CAMKMT: variants seen among roughly 807,000 people sequenced by gnomAD.
The protein encoded by CAMKMT is calmodulin-lysine N-methyltransferase.
Under a neutral mutation model 48.0 loss-of-function variants are expected in CAMKMT, and 53 were observed. That is an observed-to-expected ratio of 1.10 (90% confidence interval 0.89 to 1.39). The LOEUF (loss-of-function observed/expected upper bound fraction) is 1.39, where lower values mean the gene tolerates loss of function less well. CAMKMT is among the 40% of genes most tolerant of loss of function. CAMKMT has a pLI of 0.00. For synonymous variants in CAMKMT, 165 were observed against 152.3 expected (o/e 1.08, Z -0.61); for missense variants, 428 against 402.7 (o/e 1.06, Z -0.54).
chr2:44,430,166 A>G (rs548954607), intron 3 of CAMKMT, among the ~76,000 whole-genome samples: 2 of 152,212 alleles, frequency 1.3e-5, no homozygotes, highest in East Asian at 3.9e-4. Flanking sequence ...GCTAAAGAAT[A>G]ACCTGCCTTG....
At chr2:44,660,094 C>T (rs1674600444) in intron 3 of CAMKMT, among the ~76,000 whole-genome samples, 1 of 152,106 alleles carries the variant, frequency 6.6e-6, no homozygotes, top group African/African-American at 2.4e-5. Context: ...ACATAAATAA[C>T]ATATTTTTAT....
intron 3 of CAMKMT, among the ~76,000 whole-genome samples, chr2:44,575,923 A>C (rs972402261): frequency 4.6e-5 from 7 of 152,160 alleles, no homozygotes; most frequent in Non-Finnish European, 7.4e-5. Flanking sequence ...GCCACTAGGC[A>C]GTCCCCTTCC....
chr2:44,521,051 G>T (rs12185759), intron 3 of CAMKMT, among the ~76,000 whole-genome samples: 3 of 152,006 alleles, frequency 2.0e-5, no homozygotes, highest in Non-Finnish European at 4.4e-5. Context: ...AATACACTCT[G>T]TAAACTTGGT....
intron 2 of CAMKMT, among the ~76,000 whole-genome samples, chr2:44,389,433 T>A (rs929364454): frequency 2.6e-5 from 4 of 152,182 alleles, no homozygotes; most frequent in Non-Finnish European, 4.4e-5. Context: ...AATGACAAAG[T>A]GAATGTTGAA....
At chr2:44,767,797 C>T (rs1383088546) in intron 10 of CAMKMT, among the ~76,000 whole-genome samples, 15 of 152,124 alleles carry the variant, frequency 9.9e-5, no homozygotes, top group Admixed American at 7.2e-4. Context: ...GCTCCCTGGA[C>T]TCCTCCACCC....
chr2:44,460,774 G>A (rs2104618022), intron 3 of CAMKMT, among the ~76,000 whole-genome samples: 1 of 140,886 alleles, frequency 7.1e-6, no homozygotes, highest in South Asian at 2.2e-4. Flanking sequence ...AGGCTGGAGT[G>A]TGCAGTGGCA....
intron 3 of CAMKMT, among the ~76,000 whole-genome samples, chr2:44,455,139 C>G (rs1219648684): frequency 1.3e-5 from 2 of 152,130 alleles, no homozygotes; most frequent in Non-Finnish European, 2.9e-5. Context: ...TCATGGTACC[C>G]ACATACTGGG....
chr2:44,659,478 C>T (rs1418763471), intron 3 of CAMKMT, among the ~76,000 whole-genome samples: 1 of 150,996 alleles, frequency 6.6e-6, no homozygotes, highest in East Asian at 1.9e-4. Flanking sequence ...GCCTATAATC[C>T]CAGCCCTTTG....
intron 3 of CAMKMT, among the ~76,000 whole-genome samples, chr2:44,633,056 C>T (rs1172323812): frequency 3.3e-5 from 5 of 152,004 alleles, no homozygotes; most frequent in South Asian, 2.1e-4. Flanking sequence ...TTATTAACTG[C>T]GTAAAGAATT....
At chr2:44,575,690 C>T (rs988476960) in intron 3 of CAMKMT, among the ~76,000 whole-genome samples, 3 of 151,664 alleles carry the variant, frequency 2.0e-5, no homozygotes, top group Non-Finnish European at 4.4e-5. Flanking sequence ...GGCAACATGG[C>T]GAAACCCCAT....
intron 3 of CAMKMT, among the ~76,000 whole-genome samples, chr2:44,445,330 A>G (rs1666916961): frequency 6.6e-6 from 1 of 152,072 alleles, no homozygotes. Flanking sequence ...TTTCCCTCAC[A>G]TACCCCAGGT....
chr2:44,536,922 C>T (rs954574311), intron 3 of CAMKMT, among the ~76,000 whole-genome samples: 6 of 151,824 alleles, frequency 4.0e-5, no homozygotes, highest in Admixed American at 6.6e-5. Context: ...AGGACAGTCT[C>T]CTCAATAAAT....
At chr2:44,532,560 C>G (rs545705082) in intron 3 of CAMKMT, among the ~76,000 whole-genome samples, 1 of 152,226 alleles carries the variant, frequency 6.6e-6, no homozygotes, top group East Asian at 1.9e-4. Flanking sequence ...ACAGCTTAAA[C>G]CATACTGGGG....
chr2:44,593,961 C>T (rs1293584914), intron 3 of CAMKMT, among the ~76,000 whole-genome samples: 1 of 151,962 alleles, frequency 6.6e-6, no homozygotes, highest in Non-Finnish European at 1.5e-5. Flanking sequence ...TGGGGTTTCT[C>T]TGTGTTGGTC....
chr2:44,497,826 A>G (rs1471470744), intron 3 of CAMKMT, among the ~76,000 whole-genome samples: 3 of 152,084 alleles, frequency 2.0e-5, no homozygotes, highest in African/African-American at 7.2e-5. Context: ...GGATCCTGAC[A>G]TAGCAAGCAA....
chr2:44,482,555 C>T (rs1669025818), intron 3 of CAMKMT, among the ~76,000 whole-genome samples: 2 of 152,086 alleles, frequency 1.3e-5, no homozygotes, highest in African/African-American at 4.8e-5. Flanking sequence ...AATATATTTA[C>T]TTATAAACAT....
intron 3 of CAMKMT, among the ~76,000 whole-genome samples, chr2:44,544,295 A>G (rs1667277442): frequency 6.6e-6 from 1 of 152,194 alleles, no homozygotes; most frequent in Admixed American, 6.5e-5. Flanking sequence ...TGGTTCAGAA[A>G]TGCCTGTTTA....
chr2:44,510,331 C>T (rs965905171), intron 3 of CAMKMT, among the ~76,000 whole-genome samples: 2 of 152,126 alleles, frequency 1.3e-5, no homozygotes, highest in African/African-American at 4.8e-5. Flanking sequence ...AATTTGAGTT[C>T]ATCTGATGTC....
chr2:44,611,112 A>G (rs1671572825), intron 3 of CAMKMT, among the ~76,000 whole-genome samples: 1 of 152,070 alleles, frequency 6.6e-6, no homozygotes, highest in African/African-American at 2.4e-5. Flanking sequence ...GGCATATTCT[A>G]TGGTTAGGCT....
Sources: allele counts gnomAD v4.1 joint callset (sites outside exome capture counted in the v4.1 genomes callset), GRCh38; gene constraint gnomAD v4.1.1; transcripts MANE v1.5; gene names NCBI Gene and HGNC (gene_info 2026-07-23, HGNC 2026-07-21).